GRID2: variants seen among roughly 807,000 people sequenced by gnomAD.
GRID2 encodes glutamate receptor ionotropic, delta-2.
GRID2 carries 33 observed loss-of-function variants against 114.8 expected under a neutral mutation model. The ratio of observed to expected loss-of-function variants is 0.29; its 90% CI spans 0.22 to 0.38. The LOEUF is 0.38. GRID2 is among the 10% of genes least tolerant of loss of function. GRID2 has a pLI of 1.00. For synonymous variants in GRID2, 505 were observed against 449.9 expected, an observed-to-expected ratio of 1.12 and a Z score of -1.55; for missense variants, 1,184 against 1,257.7, an observed-to-expected ratio of 0.94 and a Z score of 0.89.
At chr4:93,497,736 AAC>A (rs1727689138) in intron 12 of GRID2, among the ~76,000 whole-genome samples, 1 of 151,734 alleles carries the variant, frequency 6.6e-6, no homozygotes, top group African/African-American at 2.4e-5. Flanking sequence ...CTCTGCCGGT[AAC>A]ACAGTTTTGA....
At chr4:93,464,169 G>T (rs1724042597) in intron 11 of GRID2, among the ~76,000 whole-genome samples, 1 of 152,152 alleles carries the variant, frequency 6.6e-6, no homozygotes, top group South Asian at 2.1e-4. Context: ...ATTGGTCTAA[G>T]TTAAAGTATT....
chr4:92,696,257 T>C (rs4142873), intron 2 of GRID2, among the ~76,000 whole-genome samples: 38,791 of 151,992 alleles, frequency 0.26, 5,173 homozygotes, highest in East Asian at 0.43. Flanking sequence ...ATATGGGGAA[T>C]AATAAGACAC....
chr4:93,735,620 A>C (rs1390540384), intron 14 of GRID2, among the ~76,000 whole-genome samples: 1 of 152,034 alleles, frequency 6.6e-6, no homozygotes, highest in Non-Finnish European at 1.5e-5. Flanking sequence ...CTCAAATTAT[A>C]ATTTCAGGCA....
chr4:93,582,901 A>G (rs1012322302), intron 13 of GRID2, among the ~76,000 whole-genome samples: 3 of 152,312 alleles, frequency 2.0e-5, no homozygotes, highest in South Asian at 4.1e-4. Context: ...TTCCTGGCTC[A>G]AAATAACAGA....
rs144966115 is a variant in GRID2 at position 93,311,862 on chromosome 4, G to A, written c.1245+73372G>A. 3.1e-3 allele frequency among the ~76,000 whole-genome samples: 473 copies of A among 152,208 alleles called. 2 individuals carry two copies. The highest frequency in any genetic ancestry group is 0.01 in the African/African-American group (436 of 41,532). On this transcript the variant is annotated intron_variant, in intron 8 of 15. Coordinates refer to ENST00000282020, the MANE Select transcript of GRID2 (RefSeq NM_001510.4). ...GGTCATTATTAATCTTAGCGTGAGCGGTTTTGGTGATGTTATTGAGGCAAA... is the reference window on the plus strand; with the variant it reads ...GGTCATTATTAATCTTAGCGTGAGCAGTTTTGGTGATGTTATTGAGGCAAA...
rs186355829 is a variant in GRID2 at position 92,657,685 on chromosome 4, A to G, written c.244+67399A>G. Among the ~76,000 whole-genome samples, 47 of 151,876 alleles carry G rather than the reference A, an allele frequency of 3.1e-4. No individual in the cohort carries two copies. In the East Asian group the frequency reaches 6.8e-3, roughly 22 times the overall value. Reference sequence around the variant, plus strand: ...TTAAAAAAACACTAATAAATGCTCTATTTGTTTTCCTCAGTTTAGTTATGC... The same window carrying G: ...TTAAAAAAACACTAATAAATGCTCTGTTTGTTTTCCTCAGTTTAGTTATGC... On this transcript the variant is annotated intron_variant, in intron 2 of 15. Coordinates refer to ENST00000282020, the MANE Select transcript of GRID2 (RefSeq NM_001510.4).
intron 8 of GRID2, among the ~76,000 whole-genome samples, 187 bp downstream of exon 8, chr4:93,238,677 T>C (rs555765469): frequency 6.6e-6 from 1 of 151,878 alleles, no homozygotes; most frequent in Non-Finnish European, 1.5e-5. Context: ...AAGCAAGAAA[T>C]TCTATTTCCG....
At chr4:93,196,858 T>C (rs1304450878) in intron 4 of GRID2, among the ~76,000 whole-genome samples, 1 of 152,264 alleles carries the variant, frequency 6.6e-6, no homozygotes, top group East Asian at 1.9e-4. Flanking sequence ...TTTCTCTGGT[T>C]AAGTGTCAGG....
chr4:92,598,538 CATATAT>C (rs1049241725), intron 2 of GRID2, among the ~76,000 whole-genome samples: 1 of 152,076 alleles, frequency 6.6e-6, no homozygotes, highest in Admixed American at 6.6e-5. Context: ...CAGGGAAAAA[CATATAT>C]ATTAAGTTCA....
intron 2 of GRID2, among the ~76,000 whole-genome samples, chr4:93,036,237 T>C (rs1000669192): frequency 4.6e-5 from 7 of 152,132 alleles, no homozygotes; most frequent in African/African-American, 1.7e-4. Flanking sequence ...AAAAAATCTA[T>C]ATCCCTTACC....
chr4:93,016,974 C>A (rs1372175065), intron 2 of GRID2, among the ~76,000 whole-genome samples: 2 of 151,872 alleles, frequency 1.3e-5, no homozygotes, highest in African/African-American at 2.4e-5. Context: ...GGGGTAATTG[C>A]ACAGAAAAGA....
intron 1 of GRID2, among the ~76,000 whole-genome samples, chr4:92,365,750 T>C (rs1728832194): frequency 6.6e-6 from 1 of 152,084 alleles, no homozygotes; most frequent in Non-Finnish European, 1.5e-5. Context: ...TATTCCATAA[T>C]GTAATACAAT....
At chr4:93,613,918 C>T (rs1224908846) in intron 13 of GRID2, among the ~76,000 whole-genome samples, 1 of 151,616 alleles carries the variant, frequency 6.6e-6, no homozygotes, top group Non-Finnish European at 1.5e-5. Context: ...AGCCTAGTTG[C>T]CGCCTTGCAG....
At chr4:92,370,479 A>G (rs1729068832) in intron 1 of GRID2, among the ~76,000 whole-genome samples, 1 of 152,000 alleles carries the variant, frequency 6.6e-6, no homozygotes, top group African/African-American at 2.4e-5. Context: ...GCAAAACCCC[A>G]TCTCTACTAA....
At chr4:93,019,229 A>G (rs774541969) in intron 2 of GRID2, among the ~76,000 whole-genome samples, 42 of 152,316 alleles carry the variant, frequency 2.8e-4, no homozygotes, top group South Asian at 2.5e-3. Flanking sequence ...ATACATGTAC[A>G]CATATACATA....
intron 2 of GRID2, among the ~76,000 whole-genome samples, chr4:92,950,260 G>T (rs1290319463): frequency 6.6e-6 from 1 of 152,144 alleles, no homozygotes; most frequent in Non-Finnish European, 1.5e-5. Context: ...CTCAAAATAT[G>T]TGTTTGGAGA....
intron 2 of GRID2, among the ~76,000 whole-genome samples, chr4:93,080,034 G>T (rs1027948934): frequency 6.6e-6 from 1 of 152,048 alleles, no homozygotes; most frequent in African/African-American, 2.4e-5. Flanking sequence ...TGTTCCAGAT[G>T]ATTTTATTTC....
chr4:93,272,567 A>C (rs766747696), intron 8 of GRID2, among the ~76,000 whole-genome samples: 15 of 152,170 alleles, frequency 9.9e-5, no homozygotes, highest in Non-Finnish European at 1.8e-4. Flanking sequence ...AGATCTTCCA[A>C]AGACTTGCAA....
chr4:92,778,961 C>T (rs928665176), intron 2 of GRID2, among the ~76,000 whole-genome samples: 3 of 152,036 alleles, frequency 2.0e-5, no homozygotes, highest in African/African-American at 7.2e-5. Flanking sequence ...GAATGACACC[C>T]TATCACCCTT....
Sources: gnomAD v4.1 joint callset for allele counts (sites outside exome capture counted in the v4.1 genomes callset) on GRCh38, gnomAD v4.1.1 for gene constraint, MANE v1.5 for transcripts, NCBI Gene and HGNC (gene_info 2026-07-23, HGNC 2026-07-21) for gene names.